PRR16: variants seen among roughly 807,000 people sequenced by gnomAD.
PRR16 encodes the protein proline rich 16, also known as protein Largen.
In PRR16, 6 loss-of-function variants were observed where a neutral mutation model predicts 18.2. The ratio of observed to expected loss-of-function variants is 0.33; its 90% CI spans 0.18 to 0.65. PRR16 has a LOEUF of 0.65. PRR16 is among the 30% of genes least tolerant of loss of function. The pLI, the probability that PRR16 is intolerant of heterozygous loss-of-function variation, is 0.74. For synonymous variants in PRR16, 151 were observed against 147.8 expected, an observed-to-expected ratio of 1.02 and a Z score of -0.16; for missense variants, 412 against 376.6, an observed-to-expected ratio of 1.09 and a Z score of -0.78.
the PRR16 span, among the ~76,000 whole-genome samples, chr5:120,761,959 C>T: frequency 6.6e-6 from 1 of 152,000 alleles, no homozygotes; most frequent in Non-Finnish European, 1.5e-5. Context: ...CATATATGAG[C>T]GAAAATATGC....
intron 1 of PRR16, among the ~76,000 whole-genome samples, chr5:120,592,525 T>C (rs770453605): frequency 7.9e-5 from 12 of 152,182 alleles, no homozygotes; most frequent in African/African-American, 1.4e-4. Context: ...TTTAAGAAGA[T>C]AGGCTTTCGG....
At chr5:120,589,699 A>T (rs2168214) in intron 1 of PRR16, among the ~76,000 whole-genome samples, 23,906 of 152,060 alleles carry the variant, frequency 0.16, 2,195 homozygotes, top group African/African-American at 0.23. Flanking sequence ...ATCAGATCTC[A>T]TAAGACTTAT....
chr5:120,549,292 A>G (rs1404857633), intron 1 of PRR16, among the ~76,000 whole-genome samples: 4 of 151,976 alleles, frequency 2.6e-5, no homozygotes, highest in African/African-American at 9.7e-5. Flanking sequence ...TAGAGATGGC[A>G]TATCGCCATG....
At chr5:120,636,675 G>C (rs1435135179) in intron 1 of PRR16, among the ~76,000 whole-genome samples, 1 of 151,972 alleles carries the variant, frequency 6.6e-6, no homozygotes, top group Admixed American at 6.6e-5. Flanking sequence ...GAAACATAAA[G>C]ATTCTAGAAG....
At chr5:120,481,029 G>A (rs1243701797) in intron 1 of PRR16, 1 of 903,162 alleles carries the variant, frequency 1.1e-6, no homozygotes, top group East Asian at 9.0e-5. Flanking sequence ...GCATTGACTT[G>A]AAGTATTTTT....
chr5:120,699,101 C>T, the PRR16 span, among the ~76,000 whole-genome samples: 47,395 of 151,702 alleles, frequency 0.31, 7,859 homozygotes, highest in Middle Eastern at 0.45. Flanking sequence ...TAAAGCTAAT[C>T]TGCCAGTCCT....
intron 1 of PRR16, among the ~76,000 whole-genome samples, chr5:120,666,538 G>A (rs974617885): frequency 6.6e-6 from 1 of 151,896 alleles, no homozygotes; most frequent in African/African-American, 2.4e-5. Flanking sequence ...TCTTGTGCCA[G>A]TTTTCAAAGG....
intron 1 of PRR16, among the ~76,000 whole-genome samples, chr5:120,503,281 A>G (rs1481343950): frequency 2.6e-5 from 4 of 152,180 alleles, no homozygotes; most frequent in South Asian, 2.1e-4. Context: ...TTACTTAAAA[A>G]GGGGTGCAAA....
At chr5:120,480,979 G>A (rs1749592110) in intron 1 of PRR16, among the ~76,000 whole-genome samples, 2 of 151,926 alleles carry the variant, frequency 1.3e-5, no homozygotes, top group South Asian at 4.1e-4. Context: ...TTCACTTCAT[G>A]TCTTCAGAAG....
the PRR16 span, among the ~76,000 whole-genome samples, chr5:120,772,725 A>G: frequency 6.6e-6 from 1 of 152,116 alleles, no homozygotes; most frequent in Non-Finnish European, 1.5e-5. Context: ...CAAATTCCAG[A>G]ATTTGTTAAG....
chr5:120,624,953 G>T (rs916375757), intron 1 of PRR16, among the ~76,000 whole-genome samples: 1 of 152,204 alleles, frequency 6.6e-6, no homozygotes, highest in South Asian at 2.1e-4. Context: ...TCCCTTGTCT[G>T]CCACCATGTG....
chr5:120,791,599 C>G, the PRR16 span, among the ~76,000 whole-genome samples: 1 of 71,318 alleles, frequency 1.4e-5, no homozygotes, highest in African/African-American at 4.4e-5. Context: ...ATCTATCTAT[C>G]TATCTATCTA....
chr5:120,683,908 C>A (rs1757043708), intron 1 of PRR16, among the ~76,000 whole-genome samples: 1 of 144,470 alleles, frequency 6.9e-6, no homozygotes, highest in African/African-American at 2.5e-5. Flanking sequence ...TTAACAAAAG[C>A]ACACTTCTGC....
chr5:120,638,285 C>G (rs1755306274), intron 1 of PRR16, among the ~76,000 whole-genome samples: 1 of 152,012 alleles, frequency 6.6e-6, no homozygotes, highest in Non-Finnish European at 1.5e-5. Flanking sequence ...GATGCCCAAC[C>G]TATATAGAAA....
At chr5:120,755,399 A>G in the PRR16 span, among the ~76,000 whole-genome samples, 2 of 151,876 alleles carry the variant, frequency 1.3e-5, no homozygotes, top group Non-Finnish European at 2.9e-5. Context: ...CCTTCCTCCC[A>G]TCAGTCTCCA....
the PRR16 span, among the ~76,000 whole-genome samples, chr5:120,700,298 T>C: frequency 6.6e-6 from 1 of 152,062 alleles, no homozygotes; most frequent in Admixed American, 6.5e-5. Flanking sequence ...GATAACAGGC[T>C]TTAAATCTTT....
intron 1 of PRR16, among the ~76,000 whole-genome samples, chr5:120,533,661 A>G (rs894444722): frequency 6.6e-6 from 1 of 152,182 alleles, no homozygotes; most frequent in African/African-American, 2.4e-5. Context: ...GGTATATTCA[A>G]GGAAGCTTGT....
chr5:120,677,193 G>A (rs1314989619), intron 1 of PRR16, among the ~76,000 whole-genome samples: 1 of 152,136 alleles, frequency 6.6e-6, no homozygotes, highest in Admixed American at 6.5e-5. Context: ...GGATAGGTGG[G>A]TAGAGATTTT....
chr5:120,487,322 T>C (rs1749843020), intron 1 of PRR16, among the ~76,000 whole-genome samples: 2 of 152,176 alleles, frequency 1.3e-5, no homozygotes, highest in East Asian at 1.9e-4. Flanking sequence ...TTTTATTTCA[T>C]TGAGCAGTGG....
Sources: allele counts gnomAD v4.1 joint callset (sites outside exome capture counted in the v4.1 genomes callset), GRCh38; gene constraint gnomAD v4.1.1; transcripts MANE v1.5; gene names NCBI Gene and HGNC (gene_info 2026-07-23, HGNC 2026-07-21).